The following LAMA3 variants were observed in gnomAD, a reference collection of about 807,000 sequenced individuals.
LAMA3 encodes the protein laminin subunit alpha 3.
A neutral mutation model predicts 402.0 loss-of-function variants in LAMA3; 281 were observed. The ratio of observed to expected loss-of-function variants is 0.70; its 90% CI spans 0.63 to 0.77. LAMA3 has a LOEUF of 0.77. Ranked by LOEUF, LAMA3 falls within the 30% of genes least tolerant of loss-of-function variation. The pLI, the probability that LAMA3 is intolerant of heterozygous loss-of-function variation, is 0.00. For synonymous variants in LAMA3, 1,431 were observed against 1,558.4 expected (o/e 0.92, Z 1.93); for missense variants, 3,840 against 4,215.5 (o/e 0.91, Z 2.47).
chr18:23,770,699 T>C (rs1289346254), intron 8 of LAMA3, among the ~76,000 whole-genome samples: 3 of 152,112 alleles, frequency 2.0e-5, no homozygotes, highest in African/African-American at 7.2e-5. Flanking sequence ...AGGCAGAGGT[T>C]GCAGTGAGTC....
At position 23,942,965 on chromosome 18, in the gene LAMA3, G is replaced by A. The variant is rs565128555; in HGVS notation, c.9027-823G>A. On this transcript the variant is annotated intron_variant, in intron 68 of 74. Transcript: ENST00000313654. ...TCACAGGGAGGGTATTAGGGTCTAA[G>A]AAATGTAGAGATGGGTGGGAGAAGG... 2.0e-5 allele frequency among the ~76,000 whole-genome samples: 3 copies of A among 152,300 alleles called. No homozygotes were observed. The East Asian group carries it at 5.8e-4, about 29-fold the overall frequency.
At chr18:23,724,755 GA>G (rs1310392654) in intron 2 of LAMA3, among the ~76,000 whole-genome samples, 1 of 152,150 alleles carries the variant, frequency 6.6e-6, no homozygotes. Flanking sequence ...CATATATAAG[GA>G]AAAACTGAAT....
intron 52 of LAMA3, among the ~76,000 whole-genome samples, 171 bp downstream of exon 52, chr18:23,905,795 G>T (rs780675293): frequency 5.9e-5 from 9 of 152,024 alleles, no homozygotes; most frequent in Non-Finnish European, 1.2e-4. Context: ...TAGAGATGGG[G>T]TCTCCGTTGC....
At chr18:23,794,613 C>G (rs970422303) in intron 12 of LAMA3, among the ~76,000 whole-genome samples, 1 of 152,190 alleles carries the variant, frequency 6.6e-6, no homozygotes, top group Non-Finnish European at 1.5e-5. Context: ...ACTTTCTGTT[C>G]TCTTACCTAA....
At chr18:23,710,407 A>C (rs566695585) in intron 1 of LAMA3, 1 of 280,340 alleles carries the variant, frequency 3.6e-6, no homozygotes, top group African/African-American at 2.2e-5. Context: ...CTTTACTTGC[A>C]GGATTAGTCA....
At chr18:23,807,287 G>A (rs2062980494) in intron 12 of LAMA3, among the ~76,000 whole-genome samples, 1 of 152,034 alleles carries the variant, frequency 6.6e-6, no homozygotes. Flanking sequence ...GACCAGCCTG[G>A]GCAACATAGT....
chr18:23,800,445 A>G (rs2062846485), intron 12 of LAMA3, among the ~76,000 whole-genome samples: 1 of 152,234 alleles, frequency 6.6e-6, no homozygotes, highest in Non-Finnish European at 1.5e-5. Flanking sequence ...TGGGGTACAG[A>G]GTGATATTGC....
Position 23,854,573 on chromosome 18 carries a change from G to A in LAMA3, c.4137-3271G>A, listed in dbSNP as rs1207892537. On this transcript the variant is annotated intron_variant, in intron 32 of 74. Transcript: ENST00000313654. ...GGAGAATGGCGTGAACCCGGGAGGC[G>A]GAGCTTGCAGTGAGCCGAGATTGCG... Among the ~76,000 whole-genome samples the A allele has an allele frequency of 3.4e-5, 5 of 147,026 alleles. No homozygotes were observed. In the East Asian group the frequency reaches 6.3e-4, roughly 19 times the overall value.
intron 38 of LAMA3, among the ~76,000 whole-genome samples, chr18:23,875,671 A>G (rs572894683): frequency 5.7e-4 from 87 of 152,244 alleles, no homozygotes; most frequent in African/African-American, 1.8e-3. Context: ...CACTACTCCT[A>G]CTATACTGCC....
intron 7 of LAMA3, among the ~76,000 whole-genome samples, chr18:23,761,997 G>A (rs1742842637): frequency 1.3e-5 from 2 of 151,988 alleles, no homozygotes; most frequent in South Asian, 2.1e-4. Context: ...CAGGAGGATC[G>A]CTTGAGCCCA....
rs1449325435 is a variant in LAMA3, at chr18:23,893,786, C to T, written c.5411-512C>T. Reference sequence around the variant, plus strand: ...CTTGATATCTTTGTATTTCCAGCAGCTAGCATGGGGCTCTGTTACACTGTA... The same window carrying T: ...CTTGATATCTTTGTATTTCCAGCAGTTAGCATGGGGCTCTGTTACACTGTA... On this transcript the variant is annotated intron_variant, in intron 42 of 74. Coordinates refer to ENST00000313654, the MANE Select transcript of LAMA3 (RefSeq NM_198129.4). Among the ~76,000 whole-genome samples the T allele has an allele frequency of 3.3e-5, 5 of 152,304 alleles. No individual in the cohort carries two copies. In the South Asian group the frequency reaches 8.3e-4, roughly 25 times the overall value.
chr18:23,908,702 C>T (rs557283506), intron 54 of LAMA3, among the ~76,000 whole-genome samples: 88 of 152,010 alleles, frequency 5.8e-4, no homozygotes, highest in African/African-American at 2.1e-3. Context: ...TGTTCCAAGA[C>T]CCCTACTGGG....
intron 12 of LAMA3, among the ~76,000 whole-genome samples, chr18:23,798,255 C>T (rs2062805091): frequency 6.6e-6 from 1 of 152,124 alleles, no homozygotes. Context: ...AACGGGTGGT[C>T]CTTTCATGAC....
intron 2 of LAMA3, among the ~76,000 whole-genome samples, chr18:23,719,250 C>T (rs1219880422): frequency 6.6e-6 from 1 of 152,106 alleles, no homozygotes; most frequent in Non-Finnish European, 1.5e-5. Context: ...GCCCCAACCA[C>T]TCAGGAGGCA....
rs1308042873 is a variant in LAMA3 at position 23,955,011 on chromosome 18, A to G, written c.*363A>G. The G allele has an allele frequency of 1.0e-5, 3 of 286,396 alleles. No individual in the cohort carries two copies. The highest frequency in any genetic ancestry group is 2.0e-5 in the Non-Finnish European group (3 of 148,300). 17.7% of individuals were successfully genotyped at this position (286,396 alleles called of 1,614,324 possible). A position where few individuals can be genotyped will look rare whatever the true frequency, so the allele number is the denominator to read the frequency against. Reference sequence around the variant, plus strand: ...AGCACTTTAAGAATATGAAACTTTCATATATGTTAAAGGATTATAATTTAT... The same window carrying G: ...AGCACTTTAAGAATATGAAACTTTCGTATATGTTAAAGGATTATAATTTAT... On this transcript the variant is annotated 3_prime_UTR_variant, in exon 75 of 75. Coordinates refer to ENST00000313654, the MANE Select transcript of LAMA3 (RefSeq NM_198129.4).
At chr18:23,850,858 A>G (rs2063927717) in intron 32 of LAMA3, among the ~76,000 whole-genome samples, 1 of 152,238 alleles carries the variant, frequency 6.6e-6, no homozygotes, top group Non-Finnish European at 1.5e-5. Flanking sequence ...TGGTAGTAAA[A>G]GCTGCAGTAC....
At chr18:23,849,805 A>G (rs2144653333) in intron 32 of LAMA3, among the ~76,000 whole-genome samples, 1 of 152,354 alleles carries the variant, frequency 6.6e-6, no homozygotes, top group East Asian at 1.9e-4. Context: ...CACTTAAACC[A>G]AGATGTAAAA....
rs189589322 is a variant in LAMA3, at chr18:23,904,646, C to T, written c.6567C>T (p.Ala2189=). ...YENILNAIKA[A]EDAANRAASA... is the part of the protein sequence containing the mutation. ...ACATCCTCAATGCCATCAAAGCGGC[C>T]GAGGACGCAGCCAACAGGGCTGCCA... The change falls in exon 51 of 75, where the codon GCC becomes GCT. Residue 2189 remains alanine, a synonymous_variant. Coordinates refer to ENST00000313654, the MANE Select transcript of LAMA3 (RefSeq NM_198129.4). 37 of 1,613,788 alleles carry T rather than the reference C, an allele frequency of 2.3e-5. No individual in the cohort carries two copies. Among genetic ancestry groups the T allele is most frequent in the East Asian group, 1.3e-4 (6 of 44,886 alleles).
In LAMA3 at chr18:23,890,022, G is replaced by C; in HGVS notation, c.5315G>C (p.Gly1772Ala). ...TATATTTTGTGTAGGTGTGCACCGG[G>C]ATATTTCGGGAATCCCCAGAAATTC... The part of the protein sequence containing the change: ...TGTQCERCAP[G>A]YFGNPQKFGG... The change falls in exon 42 of 75, where the codon GGA becomes GCA. Residue 1772 changes from glycine to alanine, a missense_variant. Coordinates refer to ENST00000313654, the MANE Select transcript of LAMA3 (RefSeq NM_198129.4). 2 of 1,613,260 alleles carry C rather than the reference G, an allele frequency of 1.2e-6. No individual in the cohort carries two copies. The highest frequency in any genetic ancestry group is 1.1e-5 in the South Asian group (1 of 91,058).
Sources: gnomAD v4.1 joint callset for allele counts (sites outside exome capture counted in the v4.1 genomes callset) on GRCh38, gnomAD v4.1.1 for gene constraint, MANE v1.5 for transcripts, NCBI Gene and HGNC (gene_info 2026-07-23, HGNC 2026-07-21) for gene names.